The following GLS variants were observed in gnomAD, a reference collection of about 807,000 sequenced individuals.
The protein encoded by GLS is glutaminase.
In GLS, 36 loss-of-function variants were observed where a neutral mutation model predicts 86.7. That is an observed-to-expected ratio of 0.42 (90% CI 0.32 to 0.55). The LOEUF (loss-of-function observed/expected upper bound fraction) is 0.55, where lower values mean the gene tolerates loss of function less well. Ranked by LOEUF, GLS falls within the 20% of genes least tolerant of loss-of-function variation. GLS has a pLI of 0.17. For missense variants in GLS, 528 were observed against 833.4 expected (o/e 0.63, Z 4.51); for synonymous variants, 317 against 305.9 (o/e 1.04, Z -0.38).
At chr2:190,891,797 A>G (rs1215518311) in intron 1 of GLS, among the ~76,000 whole-genome samples, 2 of 152,158 alleles carry the variant, frequency 1.3e-5, no homozygotes, top group Non-Finnish European at 2.9e-5. Context: ...TTAAGTATTC[A>G]TATAATAGCC....
rs1691021767 is a variant in GLS at position 190,962,255 on chromosome 2, T to C, written c.1854-575T>C. On this transcript the variant is annotated intron_variant, in intron 17 of 17. Transcript: ENST00000320717. The surrounding 1 kb of genome is among the most constrained non-coding windows in gnomAD (Gnocchi z 4.2). ...TACTCTTCTGGTGTAGTGGTCCGATTGAGTCCATGGCTTCCCAGCCTTACC... is the reference window on the plus strand; with the variant it reads ...TACTCTTCTGGTGTAGTGGTCCGATCGAGTCCATGGCTTCCCAGCCTTACC... 6.6e-6 allele frequency among the ~76,000 whole-genome samples: 1 copy of C among 152,214 alleles called. No individual in the cohort carries two copies. The highest frequency in any genetic ancestry group is 1.9e-4 in the East Asian group (1 of 5,204).
chr2:190,895,503 G>A lies in GLS; in HGVS notation c.484-101G>A. On this transcript the variant is annotated intron_variant, in intron 2 of 17. Transcript: ENST00000320717. The surrounding 1 kb of genome is among the most constrained non-coding windows in gnomAD (Gnocchi z 4.2). ...GATGCCATATTCATGTTCAAGTGTT[G>A]GGTAGAAGTTTTTATATACAGGAAT... The A allele has an allele frequency of 1.3e-6, 1 of 770,266 alleles. No individual in the cohort carries two copies. Among genetic ancestry groups the A allele is most frequent in the East Asian group, 2.6e-5 (1 of 38,496 alleles). 47.7% of individuals were successfully genotyped at this position (770,266 alleles called of 1,614,324 possible).
At chr2:190,886,864 C>T (rs1273525811) in intron 1 of GLS, among the ~76,000 whole-genome samples, 4 of 149,606 alleles carry the variant, frequency 2.7e-5, no homozygotes, top group East Asian at 2.0e-4. Context: ...TGCAGTGAGC[C>T]GAGATCATGC....
At chr2:190,886,653 T>C (rs1161830640) in intron 1 of GLS, among the ~76,000 whole-genome samples, 1 of 152,180 alleles carries the variant, frequency 6.6e-6, no homozygotes, top group Non-Finnish European at 1.5e-5. Context: ...TGGTGGCTCA[T>C]GCCCGTAATC....
In GLS at chr2:190,895,351, T is replaced by G; in HGVS notation, c.483+103T>G. 2 of 559,408 alleles carry G rather than the reference T, an allele frequency of 3.6e-6. No homozygotes were observed. The allele number at this position is 559,408 out of a possible 1,614,324, so 34.7% of individuals were successfully genotyped here. A position where few individuals can be genotyped will look rare whatever the true frequency, so the allele number is the denominator to read the frequency against. On this transcript the variant is annotated intron_variant, in intron 2 of 17. Coordinates refer to ENST00000320717, the MANE Select transcript of GLS (RefSeq NM_014905.5). This position sits in a 1 kb window ranked among gnomAD's most constrained non-coding sequence, Gnocchi z 4.2. ...CTTAAAGGTCGTCTGACATGTAGAT[T>G]CTGACTGACAATATTTCTCTTATTA...
chr2:190,959,371 T>G (rs1323875043), intron 17 of GLS, among the ~76,000 whole-genome samples: 1 of 152,080 alleles, frequency 6.6e-6, no homozygotes, highest in Non-Finnish European at 1.5e-5. Context: ...CTTGACTCTA[T>G]CCAATTTGCC....
At position 190,935,958 on chromosome 2, in the gene GLS, A is replaced by G. The variant is rs1420728833; in HGVS notation, c.1650+4321A>G. 6.6e-6 allele frequency among the ~76,000 whole-genome samples: 1 copy of G among 151,194 alleles called. No homozygotes were observed. Among genetic ancestry groups the G allele is most frequent in the African/African-American group, 2.4e-5 (1 of 41,390 alleles). ...GTACTTTACATTTTTATGTTTAATT[A>G]AATCTGCCATTCATATTCTGGAGAT... On this transcript the variant is annotated intron_variant, in intron 14 of 17. Coordinates refer to ENST00000320717, the MANE Select transcript of GLS (RefSeq NM_014905.5). The surrounding 1 kb of genome is among the most constrained non-coding windows in gnomAD (Gnocchi z 4.2).
rs2124948588 is a variant in GLS, at chr2:190,953,794, C to T, written c.1712+168C>T. The stretch of plus-strand genomic sequence containing the variant: ...CTTCCAGTGCCTTAGGCCTGCTTTC[C>T]AATCTTGTCCTTTTCTGCCTCCTAT... On this transcript the variant is annotated intron_variant, in intron 15 of 17. Coordinates refer to ENST00000320717, the MANE Select transcript of GLS (RefSeq NM_014905.5). This position sits in a 1 kb window ranked among gnomAD's most constrained non-coding sequence, Gnocchi z 4.0. Among the ~76,000 whole-genome samples the T allele has an allele frequency of 6.6e-6, 1 of 152,254 alleles. No individual in the cohort carries two copies. The highest frequency in any genetic ancestry group is 1.9e-4 in the East Asian group (1 of 5,194).
In GLS at chr2:190,880,914, A is replaced by AGCAGCAGCAGCAGCACCC. The variant is rs1559309597; in HGVS notation, c.-165_-164insGCAGCAGCACCCGCAGCA. On this transcript the variant is annotated 5_prime_UTR_variant, in exon 1 of 18. Coordinates refer to ENST00000320717, the MANE Select transcript of GLS (RefSeq NM_014905.5). ...CAGCAGCAGCAGCAGCAGCAGCAGC[A>AGCAGCAGCAGCAGCACCC]GCAGCACCCGCATCCGCTGCGGGAG... The AGCAGCAGCAGCAGCACCC allele has an allele frequency of 6.4e-6, 6 of 938,226 alleles. 1 individual carries two copies. The highest frequency in any genetic ancestry group is 1.8e-5 in the African/African-American group (1 of 56,620). The allele number at this position is 938,226 out of a possible 1,614,324, so 58.1% of individuals were successfully genotyped here. A position where few individuals can be genotyped will look rare whatever the true frequency, so the allele number is the denominator to read the frequency against.
Position 190,895,529 on chromosome 2 carries a change from A to G in GLS, c.484-75A>G, listed in dbSNP as rs549167697. ...GGTAGAAGTTTTTATATACAGGAAT[A>G]AAATCTTATAGTTGGTATAAGCATA... On this transcript the variant is annotated intron_variant, in intron 2 of 17. Transcript: ENST00000320717. The surrounding 1 kb of genome is among the most constrained non-coding windows in gnomAD (Gnocchi z 4.2). 4 of 1,068,326 alleles carry G rather than the reference A, an allele frequency of 3.7e-6. No homozygotes were observed. The highest frequency in any genetic ancestry group is 5.4e-6 in the Non-Finnish European group (4 of 738,774). 66.2% of individuals were successfully genotyped at this position (1,068,326 alleles called of 1,614,324 possible).
intron 1 of GLS, among the ~76,000 whole-genome samples, chr2:190,888,206 A>G (rs929967585): frequency 1.1e-4 from 17 of 152,320 alleles, no homozygotes; most frequent in Non-Finnish European, 1.3e-4. Context: ...CTGGTTGTAT[A>G]AGAACAGTAA....
chr2:190,890,490 A>G lies in GLS; in HGVS notation c.387-4662A>G, dbSNP rs113845302. Among the ~76,000 whole-genome samples, 411 of 152,334 alleles carry G rather than the reference A, an allele frequency of 2.7e-3. 3 individuals are homozygous for G. Among genetic ancestry groups the G allele is most frequent in the Non-Finnish European group, 4.6e-3 (310 of 68,032 alleles). ...AAGTTTTTATTTTTAAATTCAACCA[A>G]TGATTAGCCTTGGGGCAAAATCACT... On this transcript the variant is annotated intron_variant, in intron 1 of 17. Coordinates refer to ENST00000320717, the MANE Select transcript of GLS (RefSeq NM_014905.5).
chr2:190,942,435 T>G (rs1690465769), intron 14 of GLS, among the ~76,000 whole-genome samples: 1 of 152,142 alleles, frequency 6.6e-6, no homozygotes, highest in Non-Finnish European at 1.5e-5. Context: ...TAAATACTGC[T>G]CTGCGGAGAA....
In GLS at chr2:190,954,089, CTT is replaced by C. The variant is rs1034637243; in HGVS notation, c.1712+464_1712+465del. On this transcript the variant is annotated intron_variant, in intron 15 of 17. Coordinates refer to ENST00000320717, the MANE Select transcript of GLS (RefSeq NM_014905.5). The surrounding 1 kb of genome is among the most constrained non-coding windows in gnomAD (Gnocchi z 4.0). ...TAAGGTCTTTTGTGTAGAGTTGTAA[CTT>C]ATTTTCTTTTTTTTTTCTCCCATTA... Among the ~76,000 whole-genome samples, 26 of 147,722 alleles carry C rather than the reference CTT, an allele frequency of 1.8e-4. No individual in the cohort carries two copies. Among genetic ancestry groups the C allele is most frequent in the African/African-American group, 5.5e-4 (22 of 40,320 alleles).
chr2:190,901,367 G>T lies in GLS; in HGVS notation c.736-580G>T, dbSNP rs183174146. On this transcript the variant is annotated intron_variant, in intron 4 of 17. Coordinates refer to ENST00000320717, the MANE Select transcript of GLS (RefSeq NM_014905.5). ...ATTTACTGTTTATTAAGTGGAAGTG[G>T]ATCACCATGAAAGTTTTCATTGTCA... 1.7e-3 allele frequency among the ~76,000 whole-genome samples: 252 copies of T among 152,082 alleles called. 2 individuals carry two copies. The highest frequency in any genetic ancestry group is 0.014 in the South Asian group (68 of 4,814).
At chr2:190,904,878 A>C in intron 5 of GLS, 126 bp from the exon 6 acceptor site, 1 of 653,958 alleles carries the variant, frequency 1.5e-6, no homozygotes, top group Non-Finnish European at 2.7e-6. Context: ...TTTTGACATA[A>C]ACTTGTGGTT....
At position 190,881,432 on chromosome 2, in the gene GLS, C is replaced by T. The variant is rs752297037; in HGVS notation, c.348C>T (p.Gly116=). 2 of 1,545,768 alleles carry T rather than the reference C, an allele frequency of 1.3e-6. No individual in the cohort carries two copies. The highest frequency in any genetic ancestry group is 1.2e-5 in the South Asian group (1 of 83,928). The part of the protein sequence containing the change: ...KDGPGETDAF[G]NSEGKELVAS... ...GCCCCGGGGAGACGGACGCGTTTGG[C>T]AACAGCGAGGGCAAAGAGCTGGTGG... The change falls in exon 1 of 18, where the codon GGC becomes GGT. Residue 116 remains glycine (G), a synonymous_variant. Coordinates refer to ENST00000320717, the MANE Select transcript of GLS (RefSeq NM_014905.5).
intron 7 of GLS, among the ~76,000 whole-genome samples, chr2:190,910,859 A>G (rs918413567): frequency 2.7e-5 from 4 of 150,694 alleles, no homozygotes; most frequent in Admixed American, 1.3e-4. Context: ...AAATCATGCC[A>G]TAATTAAAAT....
Position 190,956,662 on chromosome 2 carries a change from G to T in GLS, c.1853+1844G>T, listed in dbSNP as rs977808743. On this transcript the variant is annotated intron_variant, in intron 17 of 17. Coordinates refer to ENST00000320717, the MANE Select transcript of GLS (RefSeq NM_014905.5). The surrounding 1 kb of genome is among the most constrained non-coding windows in gnomAD (Gnocchi z 4.2). ...AAGAAAGTCAATGGTAGCTTTATGG[G>T]GATAGCATAGAACCTATAAATTACT... is the stretch of plus-strand genomic sequence containing the variant. Among the ~76,000 whole-genome samples the T allele has an allele frequency of 2.0e-5, 3 of 152,038 alleles. No individual in the cohort carries two copies. The highest frequency in any genetic ancestry group is 4.4e-5 in the Non-Finnish European group (3 of 68,014).
Sources: allele counts gnomAD v4.1 joint callset (sites outside exome capture counted in the v4.1 genomes callset), GRCh38; gene constraint gnomAD v4.1.1; non-coding constraint Gnocchi (gnomAD v3.1); transcripts MANE v1.5; gene names NCBI Gene and HGNC (gene_info 2026-07-23, HGNC 2026-07-21).